The following SCARB1 variants were observed in gnomAD, a reference collection of about 807,000 sequenced individuals.
SCARB1 encodes the protein scavenger receptor class B member 1, also known as CD36 and LIMPII analogous 1.
In SCARB1, 30 loss-of-function variants were observed where a neutral mutation model predicts 57.2. The ratio of observed to expected loss-of-function variants is 0.52; its 90% CI spans 0.39 to 0.71. The LOEUF (loss-of-function observed/expected upper bound fraction) is 0.71, where lower values mean the gene tolerates loss of function less well. Among genes scored for constraint, SCARB1 ranks in the 30% least tolerant of loss-of-function variants. The probability of loss-of-function intolerance (pLI) is 0.00; values close to 1 mark genes in which losing one functional copy is unlikely to be tolerated. For missense variants in SCARB1, 543 were observed against 671.2 expected (o/e 0.81, Z 2.11); for synonymous variants, 249 against 268.3 (o/e 0.93, Z 0.70).
chr12:124,843,980 C>T (rs1952024761), intron 1 of SCARB1, among the ~76,000 whole-genome samples: 1 of 152,152 alleles, frequency 6.6e-6, no homozygotes, highest in Non-Finnish European at 1.5e-5. Flanking sequence ...ACAGCAGTGG[C>T]CCTTCTGGAA....
In SCARB1 at chr12:124,843,297, G is replaced by GGC. The variant is rs1555265346; in HGVS notation, c.126+20297_126+20298insGC. The stretch of plus-strand genomic sequence containing the variant: ...TCTTACTTTCTGTGGAGATGGGGGG[G>GGC]GGGGTCTTACTATGTTACCCAGGCT... On this transcript the variant is annotated intron_variant, in intron 1 of 12. Transcript: ENST00000261693. 9.9e-4 allele frequency among the ~76,000 whole-genome samples: 123 copies of GGC among 123,982 alleles called. 1 individual carries two copies. The highest frequency in any genetic ancestry group is 3.0e-3 in the African/African-American group (117 of 38,448). 81.3% of individuals were successfully genotyped at this position (123,982 alleles called of 152,430 possible). A position where few individuals can be genotyped will look rare whatever the true frequency, so the allele number is the denominator to read the frequency against.
At chr12:124,794,114 G>C (rs1949838064) in intron 9 of SCARB1, among the ~76,000 whole-genome samples, 1 of 152,212 alleles carries the variant, frequency 6.6e-6, no homozygotes, top group Non-Finnish European at 1.5e-5. Flanking sequence ...GAGACAGGAA[G>C]TGGATGAACG....
At chr12:124,815,346 C>T (rs894908022) in intron 2 of SCARB1, among the ~76,000 whole-genome samples, 2 of 152,210 alleles carry the variant, frequency 1.3e-5, no homozygotes, top group African/African-American at 4.8e-5. Flanking sequence ...CTCCCCCACC[C>T]AACACGGCCA....
At chr12:124,862,024 T>G (rs556496135) in intron 1 of SCARB1, among the ~76,000 whole-genome samples, 3 of 87,800 alleles carry the variant, frequency 3.4e-5, no homozygotes, top group African/African-American at 1.3e-4. Context: ...AGAGACCAGG[T>G]GCTCACTCAC....
At chr12:124,849,482 A>G (rs562536202) in intron 1 of SCARB1, among the ~76,000 whole-genome samples, 12 of 152,352 alleles carry the variant, frequency 7.9e-5, no homozygotes, top group African/African-American at 2.9e-4. Context: ...AGGGGTATCA[A>G]TGGGACCCTG....
intron 12 of SCARB1, among the ~76,000 whole-genome samples, chr12:124,780,065 A>T (rs1873147528): frequency 6.6e-6 from 1 of 152,224 alleles, no homozygotes; most frequent in Non-Finnish European, 1.5e-5. Flanking sequence ...AGACACGTGG[A>T]ACAAAACCCG....
At chr12:124,823,379 G>T (rs1951017075) in intron 1 of SCARB1, among the ~76,000 whole-genome samples, 1 of 152,232 alleles carries the variant, frequency 6.6e-6, no homozygotes, top group African/African-American at 2.4e-5. Context: ...ACAAGCTCAT[G>T]AAAAGGTGCT....
At chr12:124,856,466 A>C (rs1952634158) in intron 1 of SCARB1, among the ~76,000 whole-genome samples, 1 of 152,226 alleles carries the variant, frequency 6.6e-6, no homozygotes, top group Non-Finnish European at 1.5e-5. Flanking sequence ...GGAGCAAATA[A>C]ACTAGACTCA....
rs534001056 is a variant in SCARB1, at chr12:124,820,504, C to A, written c.127-2797G>T. 1.1e-4 allele frequency among the ~76,000 whole-genome samples: 16 copies of A among 152,234 alleles called. No individual in the cohort carries two copies. The East Asian group carries it at 3.1e-3, about 29-fold the overall frequency. On this transcript the variant is annotated intron_variant, in intron 1 of 12. Coordinates refer to ENST00000261693, the MANE Select transcript of SCARB1 (RefSeq NM_005505.5). ...CCATGCGACCACAGCCCACAGGCAC[C>A]AGCTCCAGCCCCTCCCAGCTCTCAG...
chr12:124,782,529 A>G (rs1421048440), intron 12 of SCARB1, among the ~76,000 whole-genome samples, 154 bp downstream of exon 12: 1 of 152,214 alleles, frequency 6.6e-6, no homozygotes, highest in African/African-American at 2.4e-5. Context: ...GTTTCTCCAA[A>G]AGCAAAATAC....
At chr12:124,839,648 A>G (rs1951833148) in intron 1 of SCARB1, 1 of 985,142 alleles carries the variant, frequency 1.0e-6, no homozygotes. Flanking sequence ...CTACATTCCC[A>G]ACGGCACACA....
intron 1 of SCARB1, among the ~76,000 whole-genome samples, chr12:124,851,439 T>C (rs1322344361): frequency 6.6e-6 from 1 of 151,878 alleles, no homozygotes; most frequent in African/African-American, 2.4e-5. Flanking sequence ...TGTTTTCCTT[T>C]TTTTTTCTAA....
At chr12:124,861,718 C>G (rs949178293) in intron 1 of SCARB1, among the ~76,000 whole-genome samples, 5 of 152,206 alleles carry the variant, frequency 3.3e-5, no homozygotes, top group African/African-American at 9.6e-5. Context: ...GGCCCCAAAC[C>G]AATCGCCTTT....
rs56148562 is a variant in SCARB1, at chr12:124,843,290, T to TGG, written c.126+20303_126+20304dup. On this transcript the variant is annotated intron_variant, in intron 1 of 12. Transcript: ENST00000261693. The stretch of plus-strand genomic sequence containing the variant: ...TTTTGTTTCTTACTTTCTGTGGAGA[T>TGG]GGGGGGGGGGGTCTTACTATGTTAC... 8.1e-3 allele frequency among the ~76,000 whole-genome samples: 838 copies of TGG among 103,514 alleles called. 7 individuals carry two copies. Among genetic ancestry groups the TGG allele is most frequent in the East Asian group, 0.031 (97 of 3,086 alleles). 67.9% of individuals were successfully genotyped at this position (103,514 alleles called of 152,430 possible).
In SCARB1 at chr12:124,854,487, G is replaced by T. The variant is rs79989680; in HGVS notation, c.126+9108C>A. Among the ~76,000 whole-genome samples, 8 of 152,328 alleles carry T rather than the reference G, an allele frequency of 5.3e-5. No homozygotes were observed. In the East Asian group the frequency reaches 1.5e-3, roughly 29 times the overall value. On this transcript the variant is annotated intron_variant, in intron 1 of 12. Transcript: ENST00000261693. ...AGTGCAATCTTGATGGGCTCCCATG[G>T]CTGCTTATTGAGAAACCCCACTGGG...
chr12:124,835,433 CATTTTTTGTAGATTTT>C lies in SCARB1; in HGVS notation c.127-17742_127-17727del, dbSNP rs541917133. 1.4e-3 allele frequency among the ~76,000 whole-genome samples: 212 copies of C among 151,886 alleles called. 4 individuals are homozygous for C. The South Asian group carries it at 0.019, about 13-fold the overall frequency. ...TGTCACCATACTCAGCTAATTTTTT[CATTTTTTGTAGATTTT>C]ATTTTTTGTAGGGGTCTCGCTATGT... On this transcript the variant is annotated intron_variant, in intron 1 of 12. Transcript: ENST00000261693.
rs529021882 is a variant in SCARB1 at position 124,778,877 on chromosome 12, G to C, written c.*1-291C>G. ...AGGGGCAGAGCAAGGGGGGCGGCCTGTGTGCAGCACAGTCAACATGGAACA... is the reference window on the plus strand; with the variant it reads ...AGGGGCAGAGCAAGGGGGGCGGCCTCTGTGCAGCACAGTCAACATGGAACA... On this transcript the variant is annotated intron_variant, in intron 12 of 12. Transcript: ENST00000261693. 2.0e-5 allele frequency among the ~76,000 whole-genome samples: 3 copies of C among 152,360 alleles called. No individual in the cohort carries two copies. In the South Asian group the frequency reaches 6.2e-4, roughly 32 times the overall value.
rs373654807 is a variant in SCARB1, at chr12:124,810,867, C to T, written c.727-578G>A. Among the ~76,000 whole-genome samples, 43 of 152,340 alleles carry T rather than the reference C, an allele frequency of 2.8e-4. No homozygotes were observed. Among genetic ancestry groups the T allele is most frequent in the Middle Eastern group, 3.4e-3 (1 of 294 alleles). On this transcript the variant is annotated intron_variant, in intron 5 of 12. Coordinates refer to ENST00000261693, the MANE Select transcript of SCARB1 (RefSeq NM_005505.5). This position sits in a 1 kb window ranked among gnomAD's most constrained non-coding sequence, Gnocchi z 4.0. ...ATATACAAGCCACAATGAATGTGAA[C>T]TCCATCTATCGTGAATGGCTACTGC...
At chr12:124,820,276 C>G (rs1472179960) in intron 1 of SCARB1, among the ~76,000 whole-genome samples, 1 of 152,092 alleles carries the variant, frequency 6.6e-6, no homozygotes, top group Non-Finnish European at 1.5e-5. Flanking sequence ...CTCTTTGAGG[C>G]AGCCACCTCC....
Sources: gnomAD v4.1 joint callset for allele counts (sites outside exome capture counted in the v4.1 genomes callset) on GRCh38, gnomAD v4.1.1 for gene constraint, Gnocchi (gnomAD v3.1) non-coding constraint, MANE v1.5 for transcripts, NCBI Gene and HGNC (gene_info 2026-07-23, HGNC 2026-07-21) for gene names.